Variants in ERP44 observed in about 807,000 individuals in gnomAD.
ERP44 encodes the protein endoplasmic reticulum protein 44, also known as endoplasmic reticulum resident protein 44.
ERP44 carries 25 observed loss-of-function variants against 53.4 expected under a neutral mutation model. That is an observed-to-expected ratio of 0.47 (90% CI 0.34 to 0.65). The LOEUF is 0.65. ERP44 is among the 30% of genes least tolerant of loss of function. The pLI is 0.01. For synonymous variants in ERP44, 145 were observed against 161.2 expected (o/e 0.90, Z 0.76); for missense variants, 338 against 493.2 (o/e 0.69, Z 2.98).
At chr9:100,004,013 T>C (rs1262403033) in intron 10 of ERP44, among the ~76,000 whole-genome samples, 4 of 152,154 alleles carry the variant, frequency 2.6e-5, no homozygotes, top group Admixed American at 2.0e-4. Context: ...TCACGATCTA[T>C]GGCAGCTTGT....
chr9:100,062,083 C>T (rs988292582), intron 1 of ERP44, among the ~76,000 whole-genome samples: 2 of 152,192 alleles, frequency 1.3e-5, no homozygotes, highest in East Asian at 3.9e-4. Flanking sequence ...CCAATCTCTG[C>T]GGACACAGAG....
At chr9:99,995,084 T>A (rs1320632866) in intron 10 of ERP44, among the ~76,000 whole-genome samples, 2 of 151,724 alleles carry the variant, frequency 1.3e-5, no homozygotes, top group Non-Finnish European at 2.9e-5. Context: ...CCTAGGTAGT[T>A]TTTTTTTCCC....
chr9:99,999,045 C>T (rs894897047), intron 10 of ERP44: 23 of 815,034 alleles, frequency 2.8e-5, no homozygotes, highest in Middle Eastern at 7.0e-4. Flanking sequence ...TGGTGAGGCC[C>T]GGGGCAGGAG....
At chr9:100,069,130 T>A (rs889633214) in intron 1 of ERP44, among the ~76,000 whole-genome samples, 1 of 151,872 alleles carries the variant, frequency 6.6e-6, no homozygotes, top group African/African-American at 2.4e-5. Flanking sequence ...CCTAATCTCA[T>A]GTACCCAGGG....
At chr9:99,998,517 T>TC in intron 10 of ERP44, 1 of 717,936 alleles carries the variant, frequency 1.4e-6, no homozygotes, top group Non-Finnish European at 2.6e-6. Context: ...CTGTCCCGGC[T>TC]CCCCCATCTC....
At chr9:100,078,329 G>A (rs1826382026) in intron 1 of ERP44, among the ~76,000 whole-genome samples, 1 of 151,762 alleles carries the variant, frequency 6.6e-6, no homozygotes, top group Non-Finnish European at 1.5e-5. Context: ...GTGGTGGTGG[G>A]CAACTGTAAT....
chr9:100,095,952 A>T (rs1826622295), intron 1 of ERP44, among the ~76,000 whole-genome samples: 1 of 152,210 alleles, frequency 6.6e-6, no homozygotes, highest in African/African-American at 2.4e-5. Flanking sequence ...ATAGCTACCT[A>T]AACTAAGCAA....
chr9:99,990,978 C>T (rs1830247457), intron 10 of ERP44, among the ~76,000 whole-genome samples: 2 of 151,980 alleles, frequency 1.3e-5, no homozygotes, highest in South Asian at 2.1e-4. Context: ...ATCCTAAATA[C>T]ATATGCACCC....
chr9:100,045,000 G>A (rs779372057), intron 4 of ERP44, among the ~76,000 whole-genome samples: 2 of 152,094 alleles, frequency 1.3e-5, no homozygotes, highest in Non-Finnish European at 2.9e-5. Context: ...CTTTCAAATA[G>A]CATAGTTAAC....
intron 1 of ERP44, among the ~76,000 whole-genome samples, chr9:100,068,402 G>A (rs1412450347): frequency 4.4e-5 from 2 of 45,462 alleles, no homozygotes; most frequent in African/African-American, 5.9e-5. Context: ...CCCCCTGCCC[G>A]GCCAGCCGCC....
At chr9:99,983,996 T>C (rs891793114) in intron 11 of ERP44, among the ~76,000 whole-genome samples, 4 of 152,198 alleles carry the variant, frequency 2.6e-5, no homozygotes, top group African/African-American at 9.6e-5. Flanking sequence ...TAAAATACTA[T>C]GCAGGCCTTC....
rs190976828 is a variant in ERP44 at position 100,043,339 on chromosome 9, G to A, written c.286+9078C>T. 6.6e-4 allele frequency among the ~76,000 whole-genome samples: 87 copies of A among 131,374 alleles called. 1 individual carries two copies. The highest frequency in any genetic ancestry group is 2.3e-3 in the African/African-American group (80 of 35,354). 86.2% of individuals were successfully genotyped at this position (131,374 alleles called of 152,430 possible). A position where few individuals can be genotyped will look rare whatever the true frequency, so the allele number is the denominator to read the frequency against. On this transcript the variant is annotated intron_variant, in intron 4 of 11. Transcript: ENST00000262455. ...CTAGCACAACAGGGTGACTATAGTAGAAACTAATTTAATTGTACTTTTAAA... is the reference window on the plus strand; with the variant it reads ...CTAGCACAACAGGGTGACTATAGTAAAAACTAATTTAATTGTACTTTTAAA...
chr9:100,067,764 G>A (rs1218427063), intron 1 of ERP44, among the ~76,000 whole-genome samples: 11 of 151,618 alleles, frequency 7.3e-5, no homozygotes, highest in Admixed American at 1.3e-4. Flanking sequence ...CTTCCCGGCC[G>A]CCATCCCATC....
At chr9:100,074,684 C>T (rs548360861) in intron 1 of ERP44, among the ~76,000 whole-genome samples, 1 of 152,248 alleles carries the variant, frequency 6.6e-6, no homozygotes, top group African/African-American at 2.4e-5. Context: ...TGGCCTTTTA[C>T]CAGGGTAACT....
At chr9:100,063,326 C>G (rs925235048) in intron 1 of ERP44, among the ~76,000 whole-genome samples, 103 of 152,192 alleles carry the variant, frequency 6.8e-4, no homozygotes, top group African/African-American at 2.4e-3. Context: ...CCAGTAATCT[C>G]TGCTCCCTGT....
Position 99,982,355 on chromosome 9 carries a change from T to C in ERP44, c.*257A>G, listed in dbSNP as rs1830155932. On this transcript the variant is annotated 3_prime_UTR_variant, in exon 12 of 12. Transcript: ENST00000262455. ...TCACCTTTCATTTGATTTATAAAAC[T>C]TTTACAGGACAGATTTAAAGTGGAG... 1 of 196,052 alleles carries C rather than the reference T, an allele frequency of 5.1e-6. No individual in the cohort carries two copies. Among genetic ancestry groups the C allele is most frequent in the South Asian group, 1.9e-4 (1 of 5,314 alleles). 12.1% of individuals were successfully genotyped at this position (196,052 alleles called of 1,614,324 possible).
chr9:100,020,545 G>A, intron 6 of ERP44, 71 bp downstream of exon 6: 1 of 770,892 alleles, frequency 1.3e-6, no homozygotes, highest in Non-Finnish European at 2.3e-6. Flanking sequence ...TTCAGGAAAT[G>A]ACCAAATACA....
chr9:99,999,702 A>G (rs1830358026), intron 10 of ERP44, among the ~76,000 whole-genome samples: 1 of 151,550 alleles, frequency 6.6e-6, no homozygotes, highest in South Asian at 2.1e-4. Context: ...CAATTTTTCT[A>G]TTTTTGCTTT....
intron 11 of ERP44, among the ~76,000 whole-genome samples, chr9:99,984,268 C>T (rs1352674860): frequency 6.6e-6 from 1 of 151,878 alleles, no homozygotes; most frequent in Non-Finnish European, 1.5e-5. Context: ...GGTTTTGGTA[C>T]ATATCTTCCC....
Sources: gnomAD v4.1 joint callset for allele counts (sites outside exome capture counted in the v4.1 genomes callset) on GRCh38, gnomAD v4.1.1 for gene constraint, MANE v1.5 for transcripts, NCBI Gene and HGNC (gene_info 2026-07-23, HGNC 2026-07-21) for gene names.